FBXO34: variants seen among roughly 807,000 people sequenced by gnomAD.
The protein encoded by FBXO34 is F-box protein 34.
FBXO34 carries 12 observed loss-of-function variants against 24.5 expected under a neutral mutation model. The observed-to-expected ratio is 0.49, with a 90% CI of 0.31 to 0.79. FBXO34 has a LOEUF of 0.79. Among genes scored for constraint, FBXO34 ranks in the 30% least tolerant of loss-of-function variants. The probability of loss-of-function intolerance (pLI) is 0.04; values close to 1 mark genes in which losing one functional copy is unlikely to be tolerated. For synonymous variants in FBXO34, 320 were observed against 311.9 expected (o/e 1.03, Z -0.27); for missense variants, 823 against 857.7 (o/e 0.96, Z 0.51).
intron 1 of FBXO34, among the ~76,000 whole-genome samples, chr14:55,338,159 C>T (rs1037285948): frequency 6.0e-5 from 9 of 149,916 alleles, no homozygotes; most frequent in Non-Finnish European, 1.2e-4. Context: ...AAGCAATTCT[C>T]CTGCCTCAGT....
the FBXO34 span, chr14:55,381,923 T>G: frequency 6.5e-7 from 1 of 1,546,088 alleles, no homozygotes. Flanking sequence ...CCTATAACTC[T>G]CTCTATATAT....
intron 1 of FBXO34, among the ~76,000 whole-genome samples, chr14:55,334,928 A>C (rs978613560): frequency 6.6e-6 from 1 of 152,192 alleles, no homozygotes; most frequent in Non-Finnish European, 1.5e-5. Context: ...TTTGTGGTAG[A>C]ACAAACTCTT....
chr14:55,299,062 C>G, intron 1 of FBXO34: 1 of 1,571,034 alleles, frequency 6.4e-7, no homozygotes, highest in South Asian at 1.1e-5. Flanking sequence ...ATTTCGAAAC[C>G]TGTAGGGTTT....
the FBXO34 span, chr14:55,411,815 G>A: frequency 7.5e-6 from 12 of 1,593,820 alleles, no homozygotes; most frequent in South Asian, 7.9e-5. Context: ...CCCACTGGGA[G>A]ACGCCATGAT....
the FBXO34 span, chr14:55,411,808 A>C: frequency 1.9e-6 from 3 of 1,595,360 alleles, no homozygotes; most frequent in African/African-American, 2.7e-5. Flanking sequence ...CTCCCTTCCC[A>C]CTGGGAGACG....
At chr14:55,338,349 A>C (rs1407865764) in intron 1 of FBXO34, among the ~76,000 whole-genome samples, 2 of 151,688 alleles carry the variant, frequency 1.3e-5, no homozygotes, top group Non-Finnish European at 2.9e-5. Flanking sequence ...GCGGCCAGCG[A>C]GTATGGACTT....
chr14:55,419,199 A>C, the FBXO34 span, among the ~76,000 whole-genome samples: 1 of 152,248 alleles, frequency 6.6e-6, no homozygotes, highest in African/African-American at 2.4e-5. Context: ...CTGGCTCCTC[A>C]CATGCCTGTT....
At chr14:55,325,916 G>T (rs1464243865) in intron 1 of FBXO34, 1 of 152,210 alleles carries the variant, frequency 6.6e-6, no homozygotes, top group Non-Finnish European at 1.5e-5. Context: ...TAGAATGCTT[G>T]AATTTTCAGC....
chr14:55,365,300 A>T (rs1185507643), downstream of FBXO34, among the ~76,000 whole-genome samples: 1 of 151,914 alleles, frequency 6.6e-6, no homozygotes, highest in African/African-American at 2.4e-5. Context: ...CTGAGCTCAA[A>T]CAATCCTCCT....
chr14:55,295,265 C>T (rs113289681), intron 1 of FBXO34, among the ~76,000 whole-genome samples: 8,843 of 152,056 alleles, frequency 0.058, 325 homozygotes, highest in South Asian at 0.089. Context: ...CTGCACAGTG[C>T]GGTGTGACAA....
At chr14:55,421,450 GCTTTCCCCA>G in the FBXO34 span, among the ~76,000 whole-genome samples, 11 of 152,212 alleles carry the variant, frequency 7.2e-5, no homozygotes, top group South Asian at 4.1e-4. Context: ...TTCCAAACAA[GCTTTCCCCA>G]CTTTGTTTTT....
intron 1 of FBXO34, among the ~76,000 whole-genome samples, chr14:55,288,034 A>T (rs1881820382): frequency 6.6e-6 from 1 of 152,196 alleles, no homozygotes. Flanking sequence ...ATTTTGGACC[A>T]TTTCGGATTT....
At chr14:55,411,798 C>T in the FBXO34 span, 15 of 1,598,710 alleles carry the variant, frequency 9.4e-6, no homozygotes, top group South Asian at 4.5e-5. Context: ...AGCGCCCGGG[C>T]TCCCTTCCCA....
intron 1 of FBXO34, among the ~76,000 whole-genome samples, chr14:55,349,659 G>A (rs1884277164): frequency 6.8e-6 from 1 of 147,624 alleles, no homozygotes; most frequent in Non-Finnish European, 1.5e-5. Flanking sequence ...CCAGGTTGGA[G>A]GGCAGTGGTG....
chr14:55,337,616 ATC>A (rs1300084263), intron 1 of FBXO34, among the ~76,000 whole-genome samples: 1 of 152,280 alleles, frequency 6.6e-6, no homozygotes, highest in East Asian at 1.9e-4. Flanking sequence ...GAATTGATGC[ATC>A]TCTCTCAAAT....
chr14:55,379,396 G>C, the FBXO34 span, among the ~76,000 whole-genome samples: 2 of 151,890 alleles, frequency 1.3e-5, no homozygotes, highest in African/African-American at 2.4e-5. Context: ...AAAAAAATTA[G>C]CCAGGTGTGG....
the FBXO34 span, chr14:55,436,618 G>A: frequency 6.2e-7 from 1 of 1,614,206 alleles, no homozygotes. Flanking sequence ...TGTCATGGGA[G>A]TTATGGATGC....
chr14:55,341,581 C>A (rs1424448441), intron 1 of FBXO34, among the ~76,000 whole-genome samples: 1 of 152,150 alleles, frequency 6.6e-6, no homozygotes, highest in African/African-American at 2.4e-5. Flanking sequence ...AATAGGAACT[C>A]CGAATATCTG....
chr14:55,392,716 C>T, the FBXO34 span, among the ~76,000 whole-genome samples: 5 of 151,572 alleles, frequency 3.3e-5, no homozygotes, highest in African/African-American at 7.3e-5. Flanking sequence ...CTAATGACTC[C>T]GTAAAGTGAA....
Sources: gnomAD v4.1 joint callset for allele counts (sites outside exome capture counted in the v4.1 genomes callset) on GRCh38, gnomAD v4.1.1 for gene constraint, MANE v1.5 for transcripts, NCBI Gene and HGNC (gene_info 2026-07-23, HGNC 2026-07-21) for gene names.